The following PROSER2 variants were observed in gnomAD, a reference collection of about 807,000 sequenced individuals.
PROSER2 encodes proline and serine rich 2, also known as proline and serine-rich protein 2.
A neutral mutation model predicts 14.6 loss-of-function variants in PROSER2; 18 were observed. That is an observed-to-expected ratio of 1.23 (90% CI 0.85 to 1.83). The LOEUF is 1.83. PROSER2 is among the 40% of genes most tolerant of loss of function. PROSER2 has a pLI of 0.00. For missense variants in PROSER2, 823 were observed against 629.8 expected, an observed-to-expected ratio of 1.31 and a Z score of -3.28; for synonymous variants, 367 against 286.4, an observed-to-expected ratio of 1.28 and a Z score of -2.84.
Position 11,870,178 on chromosome 10 carries a change from G to T in PROSER2, c.1080G>T (p.Ala360=). 1 of 1,483,036 alleles carries T rather than the reference G, an allele frequency of 6.7e-7. No individual in the cohort carries two copies. The highest frequency in any genetic ancestry group is 8.9e-7 in the Non-Finnish European group (1 of 1,123,696). 91.9% of individuals were successfully genotyped at this position (1,483,036 alleles called of 1,614,324 possible). Residue 360 remains alanine (A), a synonymous_variant, in exon 4 of 4, where the codon GCG becomes GCT. Transcript: ENST00000277570. ...TGAAGAGCGCACCCAGCTCCTTCGC[G>T]CCCGCTGGGAAGTCCCTCTGCTTCC... ...EALKSAPSSF[A]PAGKSLCFRP... is the part of the protein sequence containing the mutation.
chr10:11,847,164 T>TAC (rs1564306423), intron 1 of PROSER2, among the ~76,000 whole-genome samples: 1 of 144,206 alleles, frequency 6.9e-6, no homozygotes, highest in East Asian at 1.9e-4. Flanking sequence ...AATATATATA[T>TAC]ATATATATAT....
chr10:11,860,846 T>C (rs1449795481), intron 2 of PROSER2, among the ~76,000 whole-genome samples: 2 of 151,170 alleles, frequency 1.3e-5, no homozygotes, highest in Non-Finnish European at 3.0e-5. Context: ...CGGCTCATGC[T>C]TGTAATCCCA....
intron 2 of PROSER2, among the ~76,000 whole-genome samples, chr10:11,854,811 A>G (rs1483339533): frequency 1.3e-5 from 2 of 152,156 alleles, no homozygotes; most frequent in East Asian, 3.9e-4. Flanking sequence ...AGTCCCTATC[A>G]CAGCAATACA....
intron 1 of PROSER2, among the ~76,000 whole-genome samples, chr10:11,844,866 C>T (rs1279771901): frequency 6.6e-6 from 1 of 152,200 alleles, no homozygotes; most frequent in Non-Finnish European, 1.5e-5. Flanking sequence ...AAGTGATCCG[C>T]CCGCCTTGGC....
chr10:11,846,021 C>T (rs1232899262), intron 1 of PROSER2, among the ~76,000 whole-genome samples: 4 of 152,190 alleles, frequency 2.6e-5, no homozygotes, highest in Non-Finnish European at 4.4e-5. Flanking sequence ...GAGTCTCACT[C>T]TGTTGCCCAG....
chr10:11,863,800 G>A (rs1834291223), intron 2 of PROSER2, among the ~76,000 whole-genome samples: 1 of 151,734 alleles, frequency 6.6e-6, no homozygotes, highest in Admixed American at 6.6e-5. Context: ...TTATGGTGTC[G>A]GTGTGTATGT....
At chr10:11,846,017 C>A (rs1045875455) in intron 1 of PROSER2, among the ~76,000 whole-genome samples, 1 of 152,154 alleles carries the variant, frequency 6.6e-6, no homozygotes, top group Admixed American at 6.6e-5. Context: ...GATGGAGTCT[C>A]ACTCTGTTGC....
At chr10:11,850,221 G>A (rs1488191849) in intron 1 of PROSER2, 1 of 152,544 alleles carries the variant, frequency 6.6e-6, no homozygotes, top group Non-Finnish European at 1.5e-5. Context: ...GAGTGGCAGG[G>A]AGGGGAGGAG....
Position 11,869,676 on chromosome 10 carries a change from C to T in PROSER2, c.578C>T (p.Thr193Met), listed in dbSNP as rs781029528. The change falls in exon 4 of 4, where the codon ACG becomes ATG. Residue 193 changes from threonine (T) to methionine (M), a missense_variant. Transcript: ENST00000277570. The surrounding 1 kb of genome is among the most constrained non-coding windows in gnomAD (Gnocchi z 4.4). ...CCCAGACTCCTGCGCTCTGTTCCCA[C>T]GCCCCTCGTTATGGCGCAGAAGATT... ...EHPRLLRSVP[T>M]PLVMAQKISE... 6.3e-7 allele frequency: 1 copy of T among 1,599,012 alleles called. No homozygotes were observed. The highest frequency in any genetic ancestry group is 8.5e-7 in the Non-Finnish European group (1 of 1,173,318).
intron 1 of PROSER2, among the ~76,000 whole-genome samples, chr10:11,826,740 C>T (rs908836547): frequency 2.0e-5 from 3 of 151,996 alleles, no homozygotes; most frequent in Non-Finnish European, 4.4e-5. Flanking sequence ...ACCACCACGC[C>T]GGGCTAATTT....
In PROSER2 at chr10:11,838,766, G is replaced by C. The variant is rs1014230170; in HGVS notation, c.-81-13231G>C. Among the ~76,000 whole-genome samples the C allele has an allele frequency of 6.6e-6, 1 of 152,166 alleles. No individual in the cohort carries two copies. On this transcript the variant is annotated intron_variant, in intron 1 of 3. Transcript: ENST00000277570. The surrounding 1 kb of genome is among the most constrained non-coding windows in gnomAD (Gnocchi z 4.4). ...ACTAGTGAGGTTGAACATCTGTCTTGTACTTAATAATCATCTGGTTTCCTC... is the reference window on the plus strand; with the variant it reads ...ACTAGTGAGGTTGAACATCTGTCTTCTACTTAATAATCATCTGGTTTCCTC...
At chr10:11,839,995 A>G (rs1336281931) in intron 1 of PROSER2, among the ~76,000 whole-genome samples, 1 of 151,462 alleles carries the variant, frequency 6.6e-6, no homozygotes, top group Non-Finnish European at 1.5e-5. Flanking sequence ...TCTGTCACCC[A>G]GGCTGGAGTG....
intron 2 of PROSER2, among the ~76,000 whole-genome samples, chr10:11,855,444 AT>A (rs1428542859): frequency 6.7e-6 from 1 of 148,726 alleles, no homozygotes; most frequent in East Asian, 2.0e-4. Context: ...ACTGCACTCC[AT>A]CCTGGGCGAC....
intron 2 of PROSER2, among the ~76,000 whole-genome samples, chr10:11,864,827 G>A (rs1466482745): frequency 6.6e-6 from 1 of 152,156 alleles, no homozygotes; most frequent in African/African-American, 2.4e-5. Context: ...GAGCTCGAGT[G>A]ATCCACCCAC....
At chr10:11,854,343 T>C (rs1479518146) in intron 2 of PROSER2, among the ~76,000 whole-genome samples, 3 of 152,230 alleles carry the variant, frequency 2.0e-5, no homozygotes, top group African/African-American at 7.2e-5. Flanking sequence ...GGTCTTGCTC[T>C]GTCACCCAGG....
chr10:11,848,303 G>A (rs1433997205), intron 1 of PROSER2, among the ~76,000 whole-genome samples: 2 of 152,140 alleles, frequency 1.3e-5, no homozygotes, highest in Non-Finnish European at 2.9e-5. Flanking sequence ...CAAGTAGCTG[G>A]AATTACAGGC....
chr10:11,848,251 C>T (rs1289612709), intron 1 of PROSER2, among the ~76,000 whole-genome samples: 1 of 152,222 alleles, frequency 6.6e-6, no homozygotes, highest in Admixed American at 6.5e-5. Flanking sequence ...TCACTGCAAC[C>T]TTTGCCTCCT....
intron 1 of PROSER2, among the ~76,000 whole-genome samples, chr10:11,849,201 AAAAC>A (rs199907838): frequency 2.0e-5 from 3 of 152,062 alleles, no homozygotes; most frequent in Non-Finnish European, 2.9e-5. Context: ...AAAAAACAAA[AAAAC>A]AAAGAGTTTA....
chr10:11,854,682 C>T (rs1834089583), intron 2 of PROSER2, among the ~76,000 whole-genome samples: 1 of 151,874 alleles, frequency 6.6e-6, no homozygotes, highest in Non-Finnish European at 1.5e-5. Flanking sequence ...CTCACCCTCC[C>T]GAGTAGCTGG....
Sources: allele counts gnomAD v4.1 joint callset (sites outside exome capture counted in the v4.1 genomes callset), GRCh38; gene constraint gnomAD v4.1.1; non-coding constraint Gnocchi (gnomAD v3.1); transcripts MANE v1.5; gene names NCBI Gene and HGNC (gene_info 2026-07-23, HGNC 2026-07-21).